Variants in CD53 observed in about 807,000 individuals in gnomAD.
The protein encoded by CD53 is CD53 molecule.
In CD53, 20 loss-of-function variants were observed where a neutral mutation model predicts 27.3. That is an observed-to-expected ratio of 0.73 (90% confidence interval 0.52 to 1.07). CD53 has a LOEUF of 1.07. Among genes scored for constraint, CD53 ranks in the 50% least tolerant of loss-of-function variants. The pLI is 0.00. For synonymous variants in CD53, 106 were observed against 105.3 expected (o/e 1.01, Z -0.04); for missense variants, 216 against 264.0 (o/e 0.82, Z 1.26).
chr1:110,892,241 G>T (rs951853670), intron 2 of CD53, 104 bp from the exon 3 acceptor site: 1 of 859,866 alleles, frequency 1.2e-6, no homozygotes, highest in Non-Finnish European at 2.0e-6. Context: ...TCTTGATTGA[G>T]CCAGTTAAAA....
intron 1 of CD53, chr1:110,880,280 A>C (rs1200165332): frequency 6.6e-6 from 1 of 152,264 alleles, no homozygotes; most frequent in Admixed American, 6.5e-5. Context: ...ACGGAGCAGC[A>C]TTCTCTCTGG....
At chr1:110,871,684 C>G (rs1320069770), upstream of CD53, among the ~76,000 whole-genome samples, 2 of 152,084 alleles carry the variant, frequency 1.3e-5, no homozygotes, top group Non-Finnish European at 2.9e-5. Context: ...CTCAGCCCCA[C>G]CACTTCAGGG....
chr1:110,891,672 G>A (rs1656860344), intron 2 of CD53, among the ~76,000 whole-genome samples: 1 of 152,204 alleles, frequency 6.6e-6, no homozygotes, highest in East Asian at 1.9e-4. Flanking sequence ...AAAGGTACCA[G>A]TGCAGTTATT....
Position 110,899,366 on chromosome 1 carries a change from T to C in CD53, c.*171T>C. 1.8e-6 allele frequency: 1 copy of C among 544,974 alleles called. No individual in the cohort carries two copies. The highest frequency in any genetic ancestry group is 3.2e-5 in the East Asian group (1 of 31,540). 33.8% of individuals were successfully genotyped at this position (544,974 alleles called of 1,614,324 possible). Reference sequence around the variant, plus strand: ...GTGGGTGTTGGCCAGGCACATCCCATCTCAGGCAGCAAGACAATCTTTCAC... The same window carrying C: ...GTGGGTGTTGGCCAGGCACATCCCACCTCAGGCAGCAAGACAATCTTTCAC... On this transcript the variant is annotated 3_prime_UTR_variant, in exon 8 of 8. Coordinates refer to ENST00000271324, the MANE Select transcript of CD53 (RefSeq NM_000560.4).
chr1:110,890,656 A>G (rs2101057921), intron 1 of CD53, among the ~76,000 whole-genome samples: 1 of 152,384 alleles, frequency 6.6e-6, no homozygotes, highest in Middle Eastern at 3.4e-3. Flanking sequence ...TCTAGAATTG[A>G]GAACCAGACA....
In CD53 at chr1:110,899,595, G is replaced by A; in HGVS notation, c.*400G>A. 1 of 175,588 alleles carries A rather than the reference G, an allele frequency of 5.7e-6. No homozygotes were observed. The allele number at this position is 175,588 out of a possible 1,614,324, so 10.9% of individuals were successfully genotyped here. On this transcript the variant is annotated 3_prime_UTR_variant, in exon 8 of 8. Coordinates refer to ENST00000271324, the MANE Select transcript of CD53 (RefSeq NM_000560.4). ...GTCTTCTCCCCAAAGTCAAGCAAGA[G>A]ACTAGTTGAAGGGAGTTCTGGGGCC...
chr1:110,874,382 A>T (rs1656051359), intron 1 of CD53, among the ~76,000 whole-genome samples: 1 of 152,164 alleles, frequency 6.6e-6, no homozygotes, highest in Admixed American at 6.5e-5. Flanking sequence ...GTGCTTTGGG[A>T]ATTGTGGGGG....
intron 4 of CD53, 152 bp downstream of exon 4, chr1:110,894,553 G>C (rs1656983356): frequency 1.7e-6 from 1 of 601,374 alleles, no homozygotes; most frequent in South Asian, 1.8e-5. Flanking sequence ...GTAATTGGGG[G>C]GAAAATTTGT....
intron 1 of CD53, among the ~76,000 whole-genome samples, chr1:110,890,122 T>G (rs1013751648): frequency 7.9e-5 from 12 of 152,128 alleles, no homozygotes; most frequent in African/African-American, 2.9e-4. Flanking sequence ...GCAAAGGAGA[T>G]ACTATGGATT....
chr1:110,895,996 T>A (rs1373912201), intron 5 of CD53, among the ~76,000 whole-genome samples: 2 of 152,208 alleles, frequency 1.3e-5, no homozygotes, highest in Admixed American at 1.3e-4. Flanking sequence ...TCTCAAAAAA[T>A]TTTAATTGAC....
At chr1:110,873,049 A>G (rs758584438), upstream of CD53, 8 of 152,606 alleles carry the variant, frequency 5.2e-5, no homozygotes, top group African/African-American at 9.7e-5. Context: ...CTCTGAGACT[A>G]AAGAGGGCGG....
At chr1:110,888,557 AG>A (rs976824888) in intron 1 of CD53, among the ~76,000 whole-genome samples, 5 of 152,204 alleles carry the variant, frequency 3.3e-5, no homozygotes, top group African/African-American at 2.4e-5. Context: ...GTTTCAGGTG[AG>A]GGGGTAAATC....
At chr1:110,888,227 C>T (rs1426001161) in intron 1 of CD53, among the ~76,000 whole-genome samples, 2 of 152,152 alleles carry the variant, frequency 1.3e-5, no homozygotes, top group African/African-American at 4.8e-5. Flanking sequence ...TGCTAAGGCA[C>T]GAAGTTTGTG....
At chr1:110,887,555 T>C (rs909395143) in intron 1 of CD53, among the ~76,000 whole-genome samples, 5 of 152,220 alleles carry the variant, frequency 3.3e-5, no homozygotes, top group Non-Finnish European at 5.9e-5. Flanking sequence ...CTTATTGAGC[T>C]TTGTTTTAGG....
chr1:110,891,827 G>A (rs553610690), intron 2 of CD53, among the ~76,000 whole-genome samples: 1 of 152,308 alleles, frequency 6.6e-6, no homozygotes, highest in African/African-American at 2.4e-5. Context: ...GAAACAATAA[G>A]TGATTGAAAG....
At chr1:110,879,491 G>T (rs1373464809) in intron 1 of CD53, among the ~76,000 whole-genome samples, 1 of 150,620 alleles carries the variant, frequency 6.6e-6, no homozygotes, top group Non-Finnish European at 1.5e-5. Flanking sequence ...TAGGTTTGTA[G>T]TTATATAAAC....
intron 1 of CD53, among the ~76,000 whole-genome samples, chr1:110,886,848 T>G (rs72988751): frequency 0.32 from 16,602 of 51,672 alleles, 1,349 homozygotes; most frequent in Non-Finnish European, 0.43. Flanking sequence ...CTGTCTCCAA[T>G]ATATATATAT....
chr1:110,895,543 G>A (rs1368349550), intron 5 of CD53, among the ~76,000 whole-genome samples: 1 of 152,110 alleles, frequency 6.6e-6, no homozygotes, highest in East Asian at 1.9e-4. Flanking sequence ...TAAAGATGGA[G>A]CCTTGCACCA....
At chr1:110,881,787 A>C (rs988558475) in intron 1 of CD53, among the ~76,000 whole-genome samples, 2 of 152,202 alleles carry the variant, frequency 1.3e-5, no homozygotes, top group Non-Finnish European at 2.9e-5. Flanking sequence ...TCAGGTTTTG[A>C]AAACATTTTA....
Sources: allele counts gnomAD v4.1 joint callset (sites outside exome capture counted in the v4.1 genomes callset), GRCh38; gene constraint gnomAD v4.1.1; transcripts MANE v1.5; gene names NCBI Gene and HGNC (gene_info 2026-07-23, HGNC 2026-07-21).